Variants in CD22 observed in about 807,000 individuals in gnomAD.
CD22 encodes the protein CD22 molecule, also known as B-cell receptor CD22.
A neutral mutation model predicts 94.7 loss-of-function variants in CD22; 51 were observed. The ratio of observed to expected loss-of-function variants is 0.54; its 90% confidence interval spans 0.43 to 0.68. The LOEUF is 0.68. CD22 is among the 30% of genes least tolerant of loss of function. The pLI is 0.00. For missense variants in CD22, 931 were observed against 1,060.4 expected (o/e 0.88, Z 1.69); for synonymous variants, 424 against 422.5 (o/e 1.00, Z -0.04).
chr19:35,331,897 T>A, intron 1 of CD22, 122 bp from the exon 2 acceptor site: 8 of 1,557,290 alleles, frequency 5.1e-6, no homozygotes, highest in Admixed American at 1.9e-5. Context: ...ATCCCCATAA[T>A]GCAACCAGAC....
intron 4 of CD22, 61 bp downstream of exon 4, chr19:35,336,402 C>T (rs933703835): frequency 8.6e-6 from 13 of 1,507,322 alleles, no homozygotes; most frequent in African/African-American, 1.4e-5. Context: ...TCCCCAGCCC[C>T]GCAGGGGGCA....
intron 1 of CD22, 123 bp from the exon 2 acceptor site, chr19:35,331,896 A>C: frequency 6.4e-7 from 1 of 1,557,614 alleles, no homozygotes; most frequent in Non-Finnish European, 8.7e-7. Flanking sequence ...CATCCCCATA[A>C]TGCAACCAGA....
intron 11 of CD22, 87 bp downstream of exon 11, chr19:35,345,213 T>G (rs12985232): frequency 8.7e-7 from 1 of 1,153,548 alleles, no homozygotes; most frequent in Non-Finnish European, 1.3e-6. Flanking sequence ...AGGTCAGGAG[T>G]TCGAGACCAG....
rs1317248928 is a variant in CD22, at chr19:35,337,873, G to A, written c.837G>A (p.Trp279Ter). The A allele has an allele frequency of 2.5e-6, 4 of 1,614,214 alleles. No homozygotes were observed. Among genetic ancestry groups the A allele is most frequent in the Non-Finnish European group, 3.4e-6 (4 of 1,180,032 alleles). ...ACCCGGAGTACACGACGGTATCCTG[G>A]CTCAAGGATGGGACCTCGCTGAAGA... The part of the protein sequence containing the change: ...SSNPEYTTVS[W>*]LKDGTSLKKQ... Residue 279 changes from tryptophan to a stop codon, truncating the protein, a stop_gained, in exon 5 of 14, where the codon TGG (tryptophan) becomes TGA (stop). Coordinates refer to ENST00000085219, the MANE Select transcript of CD22 (RefSeq NM_001771.4). LOFTEE classifies it high-confidence loss of function. This position sits in a 1 kb window ranked among gnomAD's most constrained non-coding sequence, Gnocchi z 4.4.
chr19:35,331,382 C>T (rs962289422), intron 1 of CD22, among the ~76,000 whole-genome samples: 1 of 152,144 alleles, frequency 6.6e-6, no homozygotes, highest in African/African-American at 2.4e-5. Flanking sequence ...TGGTCTGGTG[C>T]CACTCAAAGC....
At chr19:35,333,973 C>T (rs190472477) in intron 3 of CD22, among the ~76,000 whole-genome samples, 1 of 152,250 alleles carries the variant, frequency 6.6e-6, no homozygotes, top group East Asian at 1.9e-4. Flanking sequence ...TTGTTGAACC[C>T]CAAAGGCCAG....
chr19:35,339,072 A>C (rs1206392668), intron 6 of CD22, among the ~76,000 whole-genome samples: 1 of 151,948 alleles, frequency 6.6e-6, no homozygotes, highest in Non-Finnish European at 1.5e-5. Context: ...CCATCTCTAC[A>C]AAAAAATACA....
At chr19:35,336,402 CGCAGGGGGCATGCACCCAGG>C (rs2066725183) in intron 4 of CD22, 61 bp downstream of exon 4, 1 of 1,507,306 alleles carries the variant, frequency 6.6e-7, no homozygotes, top group Admixed American at 1.8e-5. Flanking sequence ...TCCCCAGCCC[CGCAGGGGGCATGCACCCAGG>C]GCAGGGGGAA....
intron 11 of CD22, chr19:35,345,368 C>T: frequency 7.2e-6 from 4 of 559,328 alleles, no homozygotes; most frequent in Non-Finnish European, 1.3e-5. Flanking sequence ...TTGCAGTGAG[C>T]CAAGATTGCG....
chr19:35,329,324 C>T (rs960346868), intron 1 of CD22, 94 bp downstream of exon 1: 10 of 729,988 alleles, frequency 1.4e-5, no homozygotes, highest in African/African-American at 3.6e-5. Flanking sequence ...GCTGGGAACA[C>T]AGTGGGGACC....
In CD22 at chr19:35,341,137, G is replaced by C. The variant is rs752131543; in HGVS notation, c.1506G>C (p.Gln502His). 8 of 1,613,982 alleles carry C rather than the reference G, an allele frequency of 5.0e-6. No individual in the cohort carries two copies. The highest frequency in any genetic ancestry group is 6.8e-6 in the Non-Finnish European group (8 of 1,179,962). ...SWASPVALNVQYAPRDVRVRK... is the reference protein window; with the variant it reads ...SWASPVALNVHYAPRDVRVRK... ...CCTCCCCTGTCGCCCTGAATGTCCAGTGTGAGTCCCTGGGCTAGGCAGGGG... is the reference window on the plus strand; with the variant it reads ...CCTCCCCTGTCGCCCTGAATGTCCACTGTGAGTCCCTGGGCTAGGCAGGGG... Residue 502 changes from glutamine to histidine, a missense_variant and splice_region_variant, in exon 7 of 14, where the codon CAG (glutamine) becomes CAC (histidine). Coordinates refer to ENST00000085219, the MANE Select transcript of CD22 (RefSeq NM_001771.4). The surrounding 1 kb of genome is among the most constrained non-coding windows in gnomAD (Gnocchi z 4.0).
chr19:35,334,939 G>A (rs2267577), intron 3 of CD22, among the ~76,000 whole-genome samples: 15,771 of 152,002 alleles, frequency 0.1, 1,031 homozygotes, highest in East Asian at 0.19. Context: ...TTAGCCAGGC[G>A]TGGTGGCAGG....
intron 6 of CD22, among the ~76,000 whole-genome samples, chr19:35,339,798 A>G (rs779009408): frequency 6.6e-5 from 10 of 151,978 alleles, no homozygotes; most frequent in Non-Finnish European, 1.3e-4. Context: ...AGAGGTTGCA[A>G]TGAGCTGAGA....
In CD22 at chr19:35,337,418, A is replaced by G. The variant is rs1322093236; in HGVS notation, c.719-337A>G. On this transcript the variant is annotated intron_variant, in intron 4 of 13. Coordinates refer to ENST00000085219, the MANE Select transcript of CD22 (RefSeq NM_001771.4). This position sits in a 1 kb window ranked among gnomAD's most constrained non-coding sequence, Gnocchi z 4.4. ...GAAGTTCACCGCCTCTGAGGGCCACATGGTAGGACAGGAGGCAGGAGATGG... is the reference window on the plus strand; with the variant it reads ...GAAGTTCACCGCCTCTGAGGGCCACGTGGTAGGACAGGAGGCAGGAGATGG... Among the ~76,000 whole-genome samples, 13 of 152,208 alleles carry G rather than the reference A, an allele frequency of 8.5e-5. No individual in the cohort carries two copies. Among genetic ancestry groups the G allele is most frequent in the Middle Eastern group, 3.4e-3 (1 of 294 alleles).
At position 35,338,369 on chromosome 19, in the gene CD22, G is replaced by A. The variant is rs1163504336; in HGVS notation, c.1187G>A (p.Cys396Tyr). The A allele has an allele frequency of 6.2e-7, 1 of 1,614,110 alleles. No individual in the cohort carries two copies. Among genetic ancestry groups the A allele is most frequent in the Non-Finnish European group, 8.5e-7 (1 of 1,180,054 alleles). The change falls in exon 6 of 14, where the codon TGT becomes TAT. Residue 396 changes from cysteine to tyrosine, a missense_variant. Physicochemically the swap from Cys to Tyr is radical, Grantham distance 194. Coordinates refer to ENST00000085219, the MANE Select transcript of CD22 (RefSeq NM_001771.4). ...CCCTGGCACGCTGGGACTTATTCCT[G>A]TGTGGCAGAAAACATTCTTGGTACT... ...ILPWHAGTYS[C>Y]VAENILGTGQ...
intron 2 of CD22, 49 bp downstream of exon 2, chr19:35,332,123 G>T (rs2066654017): frequency 6.2e-7 from 1 of 1,611,354 alleles, no homozygotes; most frequent in Non-Finnish European, 8.5e-7. Flanking sequence ...ATGTCAGTGG[G>T]CACTGGAGGA....
At position 35,346,722 on chromosome 19, in the gene CD22, A is replaced by T; in HGVS notation, c.*25A>T. 6.3e-7 allele frequency: 1 copy of T among 1,582,366 alleles called. No homozygotes were observed. The highest frequency in any genetic ancestry group is 8.6e-7 in the Non-Finnish European group (1 of 1,161,784). On this transcript the variant is annotated 3_prime_UTR_variant, in exon 14 of 14. Coordinates refer to ENST00000085219, the MANE Select transcript of CD22 (RefSeq NM_001771.4). Reference sequence around the variant, plus strand: ...ACACTGGATGGGCTGCAGCAGAGGCACTGGGGGCAGCGGGGGCCAGGGAAG... The same window carrying T: ...ACACTGGATGGGCTGCAGCAGAGGCTCTGGGGGCAGCGGGGGCCAGGGAAG...
chr19:35,342,839 C>T (rs886330170), intron 9 of CD22, among the ~76,000 whole-genome samples: 3 of 152,080 alleles, frequency 2.0e-5, no homozygotes, highest in African/African-American at 4.8e-5. Context: ...TAAACGGAGT[C>T]TCGATCTGTC....
At position 35,346,816 on chromosome 19, in the gene CD22, ACG is replaced by A. The variant is rs1050199070; in HGVS notation, c.*121_*122del. On this transcript the variant is annotated 3_prime_UTR_variant, in exon 14 of 14. Transcript: ENST00000085219. ...CGCATGTGCGCACACACACACACAC[ACG>A]CACACACACACACACACACTCACTG... 100 of 819,398 alleles carry A rather than the reference ACG, an allele frequency of 1.2e-4. No homozygotes were observed. The highest frequency in any genetic ancestry group is 3.7e-4 in the Middle Eastern group (1 of 2,700). The allele number at this position is 819,398 out of a possible 1,614,324, so 50.8% of individuals were successfully genotyped here.
Sources: gnomAD v4.1 joint callset for allele counts (sites outside exome capture counted in the v4.1 genomes callset) on GRCh38, gnomAD v4.1.1 for gene constraint, Gnocchi (gnomAD v3.1) non-coding constraint, MANE v1.5 for transcripts, NCBI Gene and HGNC (gene_info 2026-07-23, HGNC 2026-07-21) for gene names.